KHDRBS2: variants seen among roughly 807,000 people sequenced by gnomAD.
KHDRBS2 encodes KH domain-containing, RNA-binding, signal transduction-associated protein 2.
In KHDRBS2, 26 loss-of-function variants were observed where a neutral mutation model predicts 44.3. The observed-to-expected ratio is 0.59, with a 90% confidence interval of 0.43 to 0.81. The LOEUF is 0.81. Ranked by LOEUF, KHDRBS2 falls within the 40% of genes least tolerant of loss-of-function variation. The pLI, the probability that KHDRBS2 is intolerant of heterozygous loss-of-function variation, is 0.00. For synonymous variants in KHDRBS2, 194 were observed against 151.1 expected (o/e 1.28, Z -2.08); for missense variants, 476 against 433.1 (o/e 1.10, Z -0.88).
intron 6 of KHDRBS2, among the ~76,000 whole-genome samples, chr6:61,787,104 T>C (rs1783936141): frequency 6.6e-6 from 1 of 150,412 alleles, no homozygotes; most frequent in African/African-American, 2.4e-5. Flanking sequence ...TTCTTAAAAG[T>C]ATGCTATTTT....
At chr6:62,224,271 G>A (rs550628839) in intron 1 of KHDRBS2, among the ~76,000 whole-genome samples, 20 of 152,184 alleles carry the variant, frequency 1.3e-4, no homozygotes, top group Admixed American at 5.9e-4. Flanking sequence ...CTTGTGAGAC[G>A]TATTCACTAC....
the KHDRBS2 span, among the ~76,000 whole-genome samples, chr6:61,634,620 A>AT: frequency 2.0e-5 from 3 of 152,002 alleles, no homozygotes; most frequent in African/African-American, 7.2e-5. Context: ...ATGATTTTTG[A>AT]TTCAATTTAT....
Position 61,835,605 on chromosome 6 carries a change from C to T in KHDRBS2, c.810+59030G>A, listed in dbSNP as rs116546900. Among the ~76,000 whole-genome samples the T allele has an allele frequency of 3.8e-3, 574 of 151,922 alleles. 3 individuals carry two copies. Among genetic ancestry groups the T allele is most frequent in the African/African-American group, 0.013 (537 of 41,484 alleles). ...ATTGTACATGATGCTTTCCCAAACC[C>T]TTGAGGAATTTTGCTTATGGCCTTA... is the stretch of plus-strand genomic sequence containing the variant. On this transcript the variant is annotated intron_variant, in intron 6 of 8. Transcript: ENST00000281156.
chr6:61,697,265 T>A lies in KHDRBS2; in HGVS notation c.894-12A>T. The A allele has an allele frequency of 6.4e-7, 1 of 1,566,288 alleles. No homozygotes were observed. The highest frequency in any genetic ancestry group is 8.8e-7 in the Non-Finnish European group (1 of 1,136,886). On this transcript the variant is annotated splice_polypyrimidine_tract_variant and intron_variant, in intron 7 of 8. Transcript: ENST00000281156. ...AGTATTCAGGCACACTGCAACAAAT[T>A]TAGATAGCAATCAATGTTACTATAA... is the stretch of plus-strand genomic sequence containing the variant.
At chr6:61,612,916 G>T in the KHDRBS2 span, among the ~76,000 whole-genome samples, 7 of 135,808 alleles carry the variant, frequency 5.2e-5, no homozygotes, top group East Asian at 1.4e-3. Context: ...GCAGTGGCGC[G>T]ATCTCGGCTG....
In KHDRBS2 at chr6:62,242,636, A is replaced by ATTTT. The variant is rs1161579863; in HGVS notation, c.91+43221_91+43222insAAAA. Among the ~76,000 whole-genome samples, 379 of 148,594 alleles carry ATTTT rather than the reference A, an allele frequency of 2.6e-3. 3 individuals carry two copies. Among genetic ancestry groups the ATTTT allele is most frequent in the African/African-American group, 8.8e-3 (347 of 39,366 alleles). On this transcript the variant is annotated intron_variant, in intron 1 of 8. Transcript: ENST00000281156. ...CAGCAAACAAGAAAATCTTAATTTA[A>ATTTT]AAAAAAAAATATTTTTCCCCTAGGA...
chr6:61,593,400 G>C, the KHDRBS2 span, among the ~76,000 whole-genome samples: 497 of 151,366 alleles, frequency 3.3e-3, 4 homozygotes, highest in African/African-American at 0.011. Flanking sequence ...ATTTAGTCTA[G>C]ATTTCAGATA....
chr6:62,165,271 T>G (rs1329013830), intron 2 of KHDRBS2, among the ~76,000 whole-genome samples: 1 of 150,666 alleles, frequency 6.6e-6, no homozygotes, highest in Admixed American at 6.6e-5. Flanking sequence ...ATTTATTTAT[T>G]TATTCATTGG....
intron 1 of KHDRBS2, among the ~76,000 whole-genome samples, chr6:62,212,707 G>A (rs376309937): frequency 3.0e-4 from 46 of 152,170 alleles, no homozygotes; most frequent in African/African-American, 1.1e-3. Flanking sequence ...CTAGGAGAGA[G>A]GCACAGAGCA....
chr6:61,851,815 C>A (rs917463502), intron 6 of KHDRBS2, among the ~76,000 whole-genome samples: 1 of 152,150 alleles, frequency 6.6e-6, no homozygotes, highest in Non-Finnish European at 1.5e-5. Context: ...TATGCTACTG[C>A]ATCAGTGAAT....
At chr6:61,719,501 A>G (rs1285741714) in intron 7 of KHDRBS2, among the ~76,000 whole-genome samples, 1 of 152,102 alleles carries the variant, frequency 6.6e-6, no homozygotes, top group Non-Finnish European at 1.5e-5. Flanking sequence ...AACAGAATTT[A>G]AATGTTTGGT....
At chr6:61,880,371 T>G (rs1205211486) in intron 6 of KHDRBS2, among the ~76,000 whole-genome samples, 1 of 151,888 alleles carries the variant, frequency 6.6e-6, no homozygotes, top group Non-Finnish European at 1.5e-5. Context: ...GGGAGAGGAT[T>G]TGGTAGATTT....
At chr6:61,950,207 T>G (rs1764457329) in intron 4 of KHDRBS2, among the ~76,000 whole-genome samples, 2 of 152,056 alleles carry the variant, frequency 1.3e-5, no homozygotes, top group African/African-American at 4.8e-5. Context: ...CATCTTAATT[T>G]TCTTTCCTTG....
At chr6:61,945,107 A>ATATATATATATGT (rs1562490070) in intron 4 of KHDRBS2, among the ~76,000 whole-genome samples, 1 of 37,402 alleles carries the variant, frequency 2.7e-5, no homozygotes, top group Non-Finnish European at 5.4e-5. Context: ...AAAAAAAAAA[A>ATATATATATATGT]AAAAAGTATA....
chr6:62,165,857 C>G (rs1165784950), intron 2 of KHDRBS2, among the ~76,000 whole-genome samples: 1 of 151,992 alleles, frequency 6.6e-6, no homozygotes, highest in Non-Finnish European at 1.5e-5. Flanking sequence ...TTTAAGTGCA[C>G]GAATACGTGG....
At chr6:62,229,556 G>A (rs764476678) in intron 1 of KHDRBS2, among the ~76,000 whole-genome samples, 1 of 152,178 alleles carries the variant, frequency 6.6e-6, no homozygotes, top group Non-Finnish European at 1.5e-5. Context: ...AGCTCGGCTG[G>A]CTTATGCAGA....
intron 4 of KHDRBS2, among the ~76,000 whole-genome samples, chr6:61,949,834 A>G (rs972282391): frequency 6.6e-6 from 1 of 152,194 alleles, no homozygotes. Context: ...AAAAACAAAA[A>G]CATCCATAAA....
At chr6:61,911,834 A>G (rs1319135969) in intron 4 of KHDRBS2, among the ~76,000 whole-genome samples, 3 of 152,022 alleles carry the variant, frequency 2.0e-5, no homozygotes, top group African/African-American at 4.8e-5. Context: ...CACTTCACAA[A>G]AATTATCCTT....
chr6:61,838,758 A>T (rs531517291), intron 6 of KHDRBS2, among the ~76,000 whole-genome samples: 1 of 152,146 alleles, frequency 6.6e-6, no homozygotes, highest in South Asian at 2.1e-4. Flanking sequence ...ACTAAATACA[A>T]TGGATTCCTA....
Sources: allele counts gnomAD v4.1 joint callset (sites outside exome capture counted in the v4.1 genomes callset), GRCh38; gene constraint gnomAD v4.1.1; transcripts MANE v1.5; gene names NCBI Gene and HGNC (gene_info 2026-07-23, HGNC 2026-07-21).